The following MAN1A2 variants were observed in gnomAD, a reference collection of about 807,000 sequenced individuals.
The protein encoded by MAN1A2 is mannosyl-oligosaccharide 1,2-alpha-mannosidase IB.
Under a neutral mutation model 75.7 loss-of-function variants are expected in MAN1A2, and 26 were observed. The ratio of observed to expected loss-of-function variants is 0.34; its 90% confidence interval spans 0.25 to 0.48. The LOEUF is 0.48. MAN1A2 is among the 20% of genes least tolerant of loss of function. The pLI is 0.99. For missense variants in MAN1A2, 562 were observed against 775.5 expected, an observed-to-expected ratio of 0.72 and a Z score of 3.27; for synonymous variants, 247 against 264.6, an observed-to-expected ratio of 0.93 and a Z score of 0.65.
intron 8 of MAN1A2, among the ~76,000 whole-genome samples, chr1:117,492,330 GA>G (rs954498338): frequency 6.6e-6 from 1 of 152,052 alleles, no homozygotes; most frequent in Non-Finnish European, 1.5e-5. Flanking sequence ...ATCAAGGCAA[GA>G]CCCTCCACCA....
At chr1:117,516,663 T>C (rs1265486072) in intron 12 of MAN1A2, among the ~76,000 whole-genome samples, 1 of 152,110 alleles carries the variant, frequency 6.6e-6, no homozygotes, top group Non-Finnish European at 1.5e-5. Context: ...GACAGTAATC[T>C]CTGAGAAACA....
At chr1:117,485,811 T>A (rs1196093778) in intron 8 of MAN1A2, among the ~76,000 whole-genome samples, 2 of 151,980 alleles carry the variant, frequency 1.3e-5, no homozygotes, top group African/African-American at 4.8e-5. Flanking sequence ...AAAGTCTCCC[T>A]TCATTGTGAA....
intron 5 of MAN1A2, among the ~76,000 whole-genome samples, chr1:117,422,211 C>T (rs534733216): frequency 1.3e-5 from 2 of 152,174 alleles, no homozygotes; most frequent in African/African-American, 2.4e-5. Context: ...TACCCTATCC[C>T]ATTGCCAGCC....
chr1:117,434,432 G>A (rs1648783595), intron 5 of MAN1A2, among the ~76,000 whole-genome samples: 1 of 152,168 alleles, frequency 6.6e-6, no homozygotes, highest in African/African-American at 2.4e-5. Flanking sequence ...TAATTCGGCT[G>A]TGTGAAGTAA....
chr1:117,430,279 C>T (rs1469697144), intron 5 of MAN1A2, among the ~76,000 whole-genome samples: 167 of 134,312 alleles, frequency 1.2e-3, no homozygotes, highest in South Asian at 2.8e-3. Flanking sequence ...ACCTCCCTCC[C>T]GGATGGGGCG....
chr1:117,514,976 A>G, intron 12 of MAN1A2: 1 of 496,584 alleles, frequency 2.0e-6, no homozygotes. Flanking sequence ...ATGTACTTAT[A>G]AGTACCTGCT....
At chr1:117,391,727 G>A (rs1401252085) in intron 1 of MAN1A2, among the ~76,000 whole-genome samples, 1 of 152,140 alleles carries the variant, frequency 6.6e-6, no homozygotes, top group Non-Finnish European at 1.5e-5. Context: ...GAACCTACGA[G>A]CTTTGTTGAC....
chr1:117,502,932 T>G lies in MAN1A2; in HGVS notation c.1755T>G (p.Asp585Glu). ...KDVYSSTPTH[D>E]DVQQSFFLAE... ...TATATTCCTCTACTCCTACACATGA[T>G]GATGTACAGCAGAGCTTTTTTCTTG... The change falls in exon 12 of 13, where the codon GAT (aspartate) becomes GAG (glutamate). Residue 585 changes from aspartate to glutamate, a missense_variant. Physicochemically the swap from Asp to Glu is conservative, Grantham distance 45. Around this residue, in one of 2 missense-constraint regions of MAN1A2, gnomAD observed 434 missense variants for 645.7 expected, o/e 0.67. Transcript: ENST00000356554. 1 of 1,606,294 alleles carries G rather than the reference T, an allele frequency of 6.2e-7. No individual in the cohort carries two copies. Among genetic ancestry groups the G allele is most frequent in the Non-Finnish European group, 8.5e-7 (1 of 1,175,710 alleles).
intron 5 of MAN1A2, among the ~76,000 whole-genome samples, chr1:117,437,145 A>G (rs1384747581): frequency 1.3e-5 from 2 of 152,206 alleles, no homozygotes; most frequent in Non-Finnish European, 2.9e-5. Flanking sequence ...AGAGAGTCAA[A>G]GAGGGAAAAT....
At chr1:117,483,406 T>G (rs1227699886) in intron 8 of MAN1A2, among the ~76,000 whole-genome samples, 1 of 152,014 alleles carries the variant, frequency 6.6e-6, no homozygotes, top group African/African-American at 2.4e-5. Flanking sequence ...GTGTCCTCTT[T>G]TATTTAGTTG....
intron 5 of MAN1A2, among the ~76,000 whole-genome samples, chr1:117,441,693 A>G (rs1455897172): frequency 2.0e-5 from 3 of 152,208 alleles, no homozygotes; most frequent in South Asian, 4.1e-4. Flanking sequence ...TTATTTTTGG[A>G]TACCAAAAAA....
intron 1 of MAN1A2, among the ~76,000 whole-genome samples, chr1:117,383,364 C>T (rs1296670785): frequency 6.6e-6 from 1 of 152,130 alleles, no homozygotes; most frequent in Non-Finnish European, 1.5e-5. Context: ...ATTCAGTTTG[C>T]TAGTATTTTG....
At chr1:117,484,434 G>A (rs1000620030) in intron 8 of MAN1A2, among the ~76,000 whole-genome samples, 2 of 151,958 alleles carry the variant, frequency 1.3e-5, no homozygotes, top group Non-Finnish European at 2.9e-5. Context: ...CAGATTGCTA[G>A]TGGCACTTCA....
In MAN1A2 at chr1:117,495,370, C is replaced by T. The variant is rs943386412; in HGVS notation, c.1285-1393C>T. 5.3e-5 allele frequency among the ~76,000 whole-genome samples: 8 copies of T among 151,450 alleles called. No individual in the cohort carries two copies. In the East Asian group the frequency reaches 1.2e-3, roughly 22 times the overall value. ...TTATTTTCAAAAACTATTCTATTAGCGTATTATAAAATAAATGACATATGG... is the reference window on the plus strand; with the variant it reads ...TTATTTTCAAAAACTATTCTATTAGTGTATTATAAAATAAATGACATATGG... On this transcript the variant is annotated intron_variant, in intron 9 of 12. Transcript: ENST00000356554.
intron 8 of MAN1A2, among the ~76,000 whole-genome samples, chr1:117,483,719 C>T (rs1185596086): frequency 6.6e-6 from 1 of 152,008 alleles, no homozygotes; most frequent in East Asian, 1.9e-4. Flanking sequence ...AATTGAATCC[C>T]CTTTATGTCT....
chr1:117,419,517 AT>A (rs1210809341), intron 4 of MAN1A2, among the ~76,000 whole-genome samples: 1 of 152,144 alleles, frequency 6.6e-6, no homozygotes, highest in African/African-American at 2.4e-5. Context: ...TATTGTAAAA[AT>A]TCTATACTGA....
intron 9 of MAN1A2, among the ~76,000 whole-genome samples, chr1:117,495,453 A>T (rs1268697313): frequency 6.6e-6 from 1 of 151,888 alleles, no homozygotes; most frequent in East Asian, 1.9e-4. Flanking sequence ...GAAATACATT[A>T]TTTTTAAACT....
At chr1:117,479,171 G>A (rs1285942011) in intron 8 of MAN1A2, among the ~76,000 whole-genome samples, 1 of 151,676 alleles carries the variant, frequency 6.6e-6, no homozygotes, top group Non-Finnish European at 1.5e-5. Flanking sequence ...GAGAACATAT[G>A]GTGTTTGGTT....
At chr1:117,417,070 C>G (rs1254387461) in intron 4 of MAN1A2, among the ~76,000 whole-genome samples, 1 of 152,102 alleles carries the variant, frequency 6.6e-6, no homozygotes, top group African/African-American at 2.4e-5. Context: ...TTAGAACCTC[C>G]TAATGTTAGT....
Sources: allele counts gnomAD v4.1 joint callset (sites outside exome capture counted in the v4.1 genomes callset), GRCh38; gene constraint gnomAD v4.1.1; regional missense constraint gnomAD v4.1.1; transcripts MANE v1.5; gene names NCBI Gene and HGNC (gene_info 2026-07-23, HGNC 2026-07-21).